Variants in ZFAT observed in about 807,000 individuals in gnomAD.
ZFAT encodes zinc finger and AT-hook domain containing.
Under a neutral mutation model 117.7 loss-of-function variants are expected in ZFAT, and 64 were observed. That is an observed-to-expected ratio of 0.54 (90% CI 0.44 to 0.67). The LOEUF (loss-of-function observed/expected upper bound fraction) is 0.67, where lower values mean the gene tolerates loss of function less well. Among genes scored for constraint, ZFAT ranks in the 30% least tolerant of loss-of-function variants. ZFAT has a pLI of 0.00. For missense variants in ZFAT, 1,433 were observed against 1,584.5 expected (o/e 0.90, Z 1.62); for synonymous variants, 679 against 615.0 (o/e 1.10, Z -1.54).
intron 11 of ZFAT, chr8:134,564,975 C>T (rs1824326462): frequency 4.2e-5 from 52 of 1,243,666 alleles, no homozygotes; most frequent in Middle Eastern, 2.2e-4. Context: ...CCTGCTTTAT[C>T]GGGTGACTCA....
intron 15 of ZFAT, among the ~76,000 whole-genome samples, chr8:134,479,268 G>A (rs973320664): frequency 9.2e-5 from 14 of 152,186 alleles, no homozygotes; most frequent in Admixed American, 4.6e-4. Flanking sequence ...CCCAGGTGTC[G>A]TCCGTCCAGC....
intron 1 of ZFAT, among the ~76,000 whole-genome samples, chr8:134,712,565 C>T: frequency 6.6e-6 from 1 of 152,012 alleles, no homozygotes. Context: ...CGCGCCCCAA[C>T]GCCACCCATT....
chr8:134,525,321 C>T (rs1820946155), intron 12 of ZFAT, among the ~76,000 whole-genome samples: 1 of 152,168 alleles, frequency 6.6e-6, no homozygotes, highest in South Asian at 2.1e-4. Flanking sequence ...CCCACCTCCC[C>T]AATATACATG....
chr8:134,601,292 C>T (rs143369332), intron 6 of ZFAT, among the ~76,000 whole-genome samples, 185 bp downstream of exon 6: 3 of 152,294 alleles, frequency 2.0e-5, no homozygotes, highest in Admixed American at 6.5e-5. Context: ...GCAGCCATCC[C>T]GGCCACCTCC....
chr8:134,487,252 C>T (rs1351023444), intron 15 of ZFAT, among the ~76,000 whole-genome samples: 1 of 152,190 alleles, frequency 6.6e-6, no homozygotes. Context: ...TCCTTTCCTT[C>T]TTTCTCTTCT....
intron 12 of ZFAT, among the ~76,000 whole-genome samples, chr8:134,523,057 C>T (rs1465283828): frequency 6.6e-6 from 1 of 152,206 alleles, no homozygotes; most frequent in Non-Finnish European, 1.5e-5. Flanking sequence ...TGATCCTCAG[C>T]CCTGTTAGAC....
At chr8:134,530,749 A>G (rs545033392) in intron 12 of ZFAT, among the ~76,000 whole-genome samples, 1 of 152,042 alleles carries the variant, frequency 6.6e-6, no homozygotes, top group South Asian at 2.1e-4. Flanking sequence ...TATTCAGGAA[A>G]AATAAATAAA....
intron 12 of ZFAT, among the ~76,000 whole-genome samples, chr8:134,528,382 T>C (rs1045103949): frequency 1.3e-5 from 2 of 152,214 alleles, no homozygotes; most frequent in Admixed American, 6.5e-5. Flanking sequence ...CAAGAACTTA[T>C]TGAATCTGGG....
intron 1 of ZFAT, among the ~76,000 whole-genome samples, chr8:134,698,409 A>G (rs1833931220): frequency 1.3e-5 from 2 of 152,154 alleles, no homozygotes. Context: ...CATGCCCAGA[A>G]GAGGCAGCGG....
chr8:134,721,975 G>A, the ZFAT span, among the ~76,000 whole-genome samples: 1 of 152,184 alleles, frequency 6.6e-6, no homozygotes, highest in Non-Finnish European at 1.5e-5. Context: ...TATGAAAAAG[G>A]GATCAGGCCA....
At position 134,487,571 on chromosome 8, in the gene ZFAT, C is replaced by T. The variant is rs116546180; in HGVS notation, c.3493-8850G>A. Among the ~76,000 whole-genome samples, 779 of 152,338 alleles carry T rather than the reference C, an allele frequency of 5.1e-3. 9 individuals carry two copies. The highest frequency in any genetic ancestry group is 0.018 in the African/African-American group (753 of 41,572). The stretch of plus-strand genomic sequence containing the variant: ...CTTCCTGTAACCTTCAAAAGAAAAG[C>T]CAAGCTCCCCTGTTGGACAGGCAAG... On this transcript the variant is annotated intron_variant, in intron 15 of 15. Transcript: ENST00000377838.
At chr8:134,600,195 G>A (rs1176246453) in intron 7 of ZFAT, 4 of 543,108 alleles carry the variant, frequency 7.4e-6, no homozygotes, top group Non-Finnish European at 9.8e-6. Context: ...TTTATCTGAT[G>A]CTAAAAAAAT....
chr8:134,714,441 C>G (rs1814169468), upstream of ZFAT, among the ~76,000 whole-genome samples: 1 of 152,122 alleles, frequency 6.6e-6, no homozygotes, highest in African/African-American at 2.4e-5. Flanking sequence ...AGTCATATTA[C>G]TGAATGAACA....
At chr8:134,650,699 T>C (rs1475555986) in intron 2 of ZFAT, among the ~76,000 whole-genome samples, 1 of 152,156 alleles carries the variant, frequency 6.6e-6, no homozygotes, top group Non-Finnish European at 1.5e-5. Context: ...CTACTGACAT[T>C]AGAAGAGACG....
In ZFAT at chr8:134,531,110, G is replaced by A. The variant is rs112565957; in HGVS notation, c.3115+1724C>T. On this transcript the variant is annotated intron_variant, in intron 12 of 15. Coordinates refer to ENST00000377838, the MANE Select transcript of ZFAT (RefSeq NM_020863.4). ...AACCCCGCTCCTGTCAGGGAATGCC[G>A]ACTGATTACAGAGAGTCTTAGGAAG... Among the ~76,000 whole-genome samples, 6 of 152,324 alleles carry A rather than the reference G, an allele frequency of 3.9e-5. 1 individual carries two copies. The highest frequency in any genetic ancestry group is 9.6e-5 in the African/African-American group (4 of 41,574).
chr8:134,795,353 T>A, the ZFAT span: 13 of 152,186 alleles, frequency 8.5e-5, no homozygotes, highest in African/African-American at 2.9e-4. Flanking sequence ...CGACCAATGA[T>A]GTAATCAATC....
chr8:134,596,372 T>A lies in ZFAT; in HGVS notation c.2475+4064A>T, dbSNP rs75715566. On this transcript the variant is annotated intron_variant, in intron 7 of 15. Coordinates refer to ENST00000377838, the MANE Select transcript of ZFAT (RefSeq NM_020863.4). ...CTGTAACTTCAAATTCCCAGTTTTA[T>A]CCATTTCATGGCAGCAATAATGGTA... Among the ~76,000 whole-genome samples the A allele has an allele frequency of 2.0e-3, 300 of 152,344 alleles. 10 individuals are homozygous for A. In the East Asian group the frequency reaches 0.054, roughly 27 times the overall value.
chr8:134,753,232 C>CCACCAA, the ZFAT span, among the ~76,000 whole-genome samples: 1 of 149,752 alleles, frequency 6.7e-6, no homozygotes, highest in African/African-American at 2.5e-5. Context: ...AACGAACCAA[C>CCACCAA]CAACAACAAC....
chr8:134,609,999 C>A (rs1828200543), intron 4 of ZFAT, among the ~76,000 whole-genome samples: 2 of 152,190 alleles, frequency 1.3e-5, no homozygotes, highest in South Asian at 2.1e-4. Flanking sequence ...CAGTTTACAT[C>A]TTTTCTATGT....
Sources: gnomAD v4.1 joint callset for allele counts (sites outside exome capture counted in the v4.1 genomes callset) on GRCh38, gnomAD v4.1.1 for gene constraint, MANE v1.5 for transcripts, NCBI Gene and HGNC (gene_info 2026-07-23, HGNC 2026-07-21) for gene names.